PDE7B: variants seen among roughly 807,000 people sequenced by gnomAD.
PDE7B encodes phosphodiesterase 7B, also known as 3',5'-cyclic-AMP phosphodiesterase 7B.
Under a neutral mutation model 56.2 loss-of-function variants are expected in PDE7B, and 29 were observed. The observed-to-expected ratio is 0.52, with a 90% confidence interval of 0.38 to 0.70. The LOEUF (loss-of-function observed/expected upper bound fraction) is 0.70, where lower values mean the gene tolerates loss of function less well. Among genes scored for constraint, PDE7B ranks in the 30% least tolerant of loss-of-function variants. PDE7B has a pLI of 0.00. For synonymous variants in PDE7B, 197 were observed against 196.9 expected (o/e 1.00, Z 0.00); for missense variants, 490 against 565.0 (o/e 0.87, Z 1.35).
chr6:136,110,305 C>T (rs1283512398), intron 3 of PDE7B, among the ~76,000 whole-genome samples: 1 of 152,148 alleles, frequency 6.6e-6, no homozygotes, highest in African/African-American at 2.4e-5. Context: ...CCTGAATGGG[C>T]TGTTCCAGCT....
chr6:135,907,927 T>A (rs1776144738), intron 1 of PDE7B, among the ~76,000 whole-genome samples: 1 of 152,098 alleles, frequency 6.6e-6, no homozygotes, highest in Admixed American at 6.6e-5. Context: ...AAATAGAAGA[T>A]GGCCCCTAAA....
At chr6:136,174,624 A>G (rs956173230) in intron 9 of PDE7B, among the ~76,000 whole-genome samples, 7 of 152,162 alleles carry the variant, frequency 4.6e-5, no homozygotes, top group Non-Finnish European at 8.8e-5. Context: ...AAAAGAGTAC[A>G]TAGATTGCTG....
chr6:136,023,047 T>C (rs1423953925), intron 2 of PDE7B, among the ~76,000 whole-genome samples: 1 of 152,072 alleles, frequency 6.6e-6, no homozygotes, highest in African/African-American at 2.4e-5. Context: ...CAAGGGACTC[T>C]AAAACCCTTT....
At chr6:135,973,366 C>T (rs1236550117) in intron 2 of PDE7B, among the ~76,000 whole-genome samples, 2 of 151,574 alleles carry the variant, frequency 1.3e-5, no homozygotes, top group Non-Finnish European at 2.9e-5. Flanking sequence ...TTTATTTTTC[C>T]ATTCATCTGT....
intron 6 of PDE7B, among the ~76,000 whole-genome samples, chr6:136,153,591 C>T (rs955233239): frequency 3.3e-5 from 5 of 152,138 alleles, no homozygotes; most frequent in African/African-American, 4.8e-5. Context: ...CCCTAAGAGG[C>T]CCGGATTTGC....
At chr6:136,126,890 C>T (rs1440283468) in intron 3 of PDE7B, among the ~76,000 whole-genome samples, 1 of 152,090 alleles carries the variant, frequency 6.6e-6, no homozygotes, top group Non-Finnish European at 1.5e-5. Flanking sequence ...TCTCCCAAAT[C>T]GCCACTAAAG....
At position 135,928,528 on chromosome 6, in the gene PDE7B, TAC is replaced by T. The variant is rs747659706; in HGVS notation, c.22-18922_22-18921del. Among the ~76,000 whole-genome samples, 104 of 134,698 alleles carry T rather than the reference TAC, an allele frequency of 7.7e-4. 2 individuals carry two copies. The East Asian group carries it at 0.014, about 19-fold the overall frequency. 88.4% of individuals were successfully genotyped at this position (134,698 alleles called of 152,430 possible). A position where few individuals can be genotyped will look rare whatever the true frequency, so the allele number is the denominator to read the frequency against. ...ATATATATATATTTATTTATATATATACACACACACACACATACACACACACA... is the reference window on the plus strand; with the variant it reads ...ATATATATATATTTATTTATATATATACACACACACACATACACACACACA... On this transcript the variant is annotated intron_variant, in intron 1 of 12. Coordinates refer to ENST00000308191, the MANE Select transcript of PDE7B (RefSeq NM_018945.4).
At chr6:136,129,487 C>A (rs541847778) in intron 3 of PDE7B, among the ~76,000 whole-genome samples, 1 of 152,154 alleles carries the variant, frequency 6.6e-6, no homozygotes, top group South Asian at 2.1e-4. Flanking sequence ...TTCCTCCAAC[C>A]ACACCCCTCC....
chr6:136,106,377 T>C (rs1036109669), intron 2 of PDE7B, among the ~76,000 whole-genome samples: 1 of 152,200 alleles, frequency 6.6e-6, no homozygotes, highest in African/African-American at 2.4e-5. Flanking sequence ...AAACCAGGTC[T>C]ACACACTCCC....
At chr6:135,915,179 A>C (rs1776280509) in intron 1 of PDE7B, among the ~76,000 whole-genome samples, 1 of 152,076 alleles carries the variant, frequency 6.6e-6, no homozygotes, top group South Asian at 2.1e-4. Context: ...GTATACCAAA[A>C]TTTAACTGCC....
intron 2 of PDE7B, among the ~76,000 whole-genome samples, chr6:135,988,041 G>A (rs1169997207): frequency 6.6e-6 from 1 of 152,196 alleles, no homozygotes; most frequent in African/African-American, 2.4e-5. Flanking sequence ...TGTCCAGTCT[G>A]AGCTCTGTAT....
intron 1 of PDE7B, among the ~76,000 whole-genome samples, chr6:135,894,098 A>G (rs1775856358): frequency 6.6e-6 from 1 of 152,158 alleles, no homozygotes; most frequent in African/African-American, 2.4e-5. Context: ...AACCTACCAT[A>G]AAAGTTTTAT....
At chr6:135,860,386 T>A (rs1775122868) in intron 1 of PDE7B, among the ~76,000 whole-genome samples, 1 of 152,044 alleles carries the variant, frequency 6.6e-6, no homozygotes, top group South Asian at 2.1e-4. Context: ...ACCCACTATA[T>A]TTTTATACAA....
chr6:136,120,016 G>C (rs1271808466), intron 3 of PDE7B, among the ~76,000 whole-genome samples: 1 of 152,206 alleles, frequency 6.6e-6, no homozygotes, highest in African/African-American at 2.4e-5. Context: ...CTCCGGGCTA[G>C]AAAAGACGAT....
intron 3 of PDE7B, among the ~76,000 whole-genome samples, chr6:136,136,655 T>TATCAAAAC (rs1219914848): frequency 6.6e-6 from 1 of 151,720 alleles, no homozygotes; most frequent in Non-Finnish European, 1.5e-5. Flanking sequence ...GCATGCCCGT[T>TATCAAAAC]ATCAAAACAC....
intron 3 of PDE7B, among the ~76,000 whole-genome samples, chr6:136,141,935 G>GT (rs1242897838): frequency 2.6e-5 from 3 of 116,898 alleles, no homozygotes; most frequent in Non-Finnish European, 5.2e-5. Flanking sequence ...TTTTTGAAGG[G>GT]TTTTTTGTAT....
chr6:136,090,752 C>G (rs1011562907), intron 2 of PDE7B, among the ~76,000 whole-genome samples: 1 of 152,114 alleles, frequency 6.6e-6, no homozygotes, highest in South Asian at 2.1e-4. Flanking sequence ...GAAGTTTTCA[C>G]CACAGATGCC....
chr6:136,103,259 A>G (rs879622304), intron 2 of PDE7B, among the ~76,000 whole-genome samples: 5 of 152,186 alleles, frequency 3.3e-5, no homozygotes, highest in Non-Finnish European at 7.3e-5. Flanking sequence ...ATTTGGGTCT[A>G]ATCAGCCATC....
intron 1 of PDE7B, among the ~76,000 whole-genome samples, chr6:135,895,264 A>G (rs1248508477): frequency 6.6e-6 from 1 of 152,202 alleles, no homozygotes; most frequent in Non-Finnish European, 1.5e-5. Context: ...GAATAATGAT[A>G]GTGAGCGGCA....
Sources: gnomAD v4.1 joint callset for allele counts (sites outside exome capture counted in the v4.1 genomes callset) on GRCh38, gnomAD v4.1.1 for gene constraint, MANE v1.5 for transcripts, NCBI Gene and HGNC (gene_info 2026-07-23, HGNC 2026-07-21) for gene names.